SLC4A10: variants seen among roughly 807,000 people sequenced by gnomAD.
The protein encoded by SLC4A10 is sodium-driven chloride bicarbonate exchanger.
A neutral mutation model predicts 137.7 loss-of-function variants in SLC4A10; 42 were observed. The ratio of observed to expected loss-of-function variants is 0.30; its 90% CI spans 0.24 to 0.39. The LOEUF is 0.39. Among genes scored for constraint, SLC4A10 ranks in the 10% least tolerant of loss-of-function variants. The pLI, the probability that SLC4A10 is intolerant of heterozygous loss-of-function variation, is 1.00. For missense variants in SLC4A10, 925 were observed against 1,355.0 expected (o/e 0.68, Z 4.98); for synonymous variants, 474 against 464.1 (o/e 1.02, Z -0.27).
At chr2:161,939,358 A>G (rs1444335325) in intron 15 of SLC4A10, among the ~76,000 whole-genome samples, 1 of 152,146 alleles carries the variant, frequency 6.6e-6, no homozygotes, top group Non-Finnish European at 1.5e-5. Flanking sequence ...TACAGATGTG[A>G]GCCACTGCAC....
At chr2:161,908,498 G>A (rs982357237) in intron 15 of SLC4A10, among the ~76,000 whole-genome samples, 7 of 150,398 alleles carry the variant, frequency 4.7e-5, no homozygotes, top group Admixed American at 1.3e-4. Flanking sequence ...ATGACGAGTT[G>A]ATGGGTGCAG....
chr2:161,726,235 C>G lies in SLC4A10; in HGVS notation c.49-44738C>G, dbSNP rs140200853. Among the ~76,000 whole-genome samples the G allele has an allele frequency of 3.4e-3, 516 of 152,144 alleles. 4 individuals are homozygous for G. The highest frequency in any genetic ancestry group is 0.012 in the African/African-American group (479 of 41,496). On this transcript the variant is annotated intron_variant, in intron 1 of 26. Coordinates refer to ENST00000446997, the MANE Select transcript of SLC4A10 (RefSeq NM_001178015.2). ...GAATAATAATAGTAAGAGTAACTAT[C>G]AAATAATAGGGATACAAATAAGTAT...
chr2:161,853,858 T>C (rs760926223), intron 4 of SLC4A10, among the ~76,000 whole-genome samples: 1 of 152,094 alleles, frequency 6.6e-6, no homozygotes, highest in Non-Finnish European at 1.5e-5. Flanking sequence ...TAAAAACAGA[T>C]CCATAGCTTT....
At chr2:161,628,566 G>A (rs2105385369) in intron 1 of SLC4A10, among the ~76,000 whole-genome samples, 1 of 152,068 alleles carries the variant, frequency 6.6e-6, no homozygotes, top group African/African-American at 2.4e-5. Flanking sequence ...GTAACAAAAA[G>A]AGCACATGGA....
intron 10 of SLC4A10, among the ~76,000 whole-genome samples, 195 bp downstream of exon 10, chr2:161,882,639 A>T (rs2061889651): frequency 6.6e-6 from 1 of 152,104 alleles, no homozygotes; most frequent in Admixed American, 6.6e-5. Context: ...CATGAATATA[A>T]TATTTTAAAA....
intron 9 of SLC4A10, among the ~76,000 whole-genome samples, chr2:161,880,786 A>G (rs1347090408): frequency 6.6e-6 from 1 of 152,114 alleles, no homozygotes; most frequent in Non-Finnish European, 1.5e-5. Context: ...TCCTCCAAGC[A>G]GTGCATTTGT....
At chr2:161,891,410 TC>T (rs1464396822) in intron 10 of SLC4A10, among the ~76,000 whole-genome samples, 5 of 152,134 alleles carry the variant, frequency 3.3e-5, no homozygotes, top group Non-Finnish European at 7.4e-5. Flanking sequence ...GGTCCTATTC[TC>T]CCCACCACTT....
intron 15 of SLC4A10, among the ~76,000 whole-genome samples, chr2:161,906,255 T>C (rs769264845): frequency 6.6e-6 from 1 of 152,192 alleles, no homozygotes. Context: ...CAAAGAAACA[T>C]AGTAATGAAA....
intron 1 of SLC4A10, among the ~76,000 whole-genome samples, chr2:161,668,841 C>T (rs1052784868): frequency 6.6e-6 from 1 of 151,766 alleles, no homozygotes; most frequent in Non-Finnish European, 1.5e-5. Context: ...TGGTTCTGTA[C>T]ATTTAGTTTG....
intron 1 of SLC4A10, among the ~76,000 whole-genome samples, chr2:161,758,279 T>G (rs1183512033): frequency 1.3e-5 from 2 of 151,954 alleles, no homozygotes; most frequent in Non-Finnish European, 2.9e-5. Flanking sequence ...ACTTTGCTTT[T>G]TAAATTAATT....
chr2:161,952,862 A>G (rs1427174598), intron 19 of SLC4A10, among the ~76,000 whole-genome samples: 1 of 152,130 alleles, frequency 6.6e-6, no homozygotes, highest in Non-Finnish European at 1.5e-5. Flanking sequence ...CCTTCTCAGA[A>G]TGTTATTTAC....
intron 3 of SLC4A10, among the ~76,000 whole-genome samples, chr2:161,828,040 A>G (rs2058141677): frequency 6.6e-6 from 1 of 152,058 alleles, no homozygotes; most frequent in African/African-American, 2.4e-5. Context: ...GTTTACTCTG[A>G]CTTTGGTCCC....
intron 1 of SLC4A10, among the ~76,000 whole-genome samples, chr2:161,757,172 T>C (rs760382189): frequency 5.9e-5 from 9 of 152,130 alleles, no homozygotes; most frequent in Non-Finnish European, 1.3e-4. Flanking sequence ...GCTCCCTACC[T>C]GGGTGACAGG....
chr2:161,768,102 C>G (rs925924643), intron 1 of SLC4A10, among the ~76,000 whole-genome samples: 11 of 152,108 alleles, frequency 7.2e-5, no homozygotes, highest in African/African-American at 2.6e-4. Context: ...AGGCAAAGGT[C>G]TAACTGACTT....
chr2:161,798,268 C>T (rs964769797), intron 2 of SLC4A10, among the ~76,000 whole-genome samples: 1 of 151,932 alleles, frequency 6.6e-6, no homozygotes, highest in Non-Finnish European at 1.5e-5. Flanking sequence ...ATGATTGACA[C>T]ATCTAAATTT....
chr2:161,949,804 A>C (rs1168386420), intron 18 of SLC4A10, among the ~76,000 whole-genome samples: 14 of 151,858 alleles, frequency 9.2e-5, no homozygotes, highest in Non-Finnish European at 1.5e-5. Flanking sequence ...TTTATGTTTC[A>C]TATATACCTT....
At chr2:161,664,521 A>G (rs1558979166) in intron 1 of SLC4A10, among the ~76,000 whole-genome samples, 1 of 151,864 alleles carries the variant, frequency 6.6e-6, no homozygotes, top group African/African-American at 2.4e-5. Flanking sequence ...TTTTTAGCAT[A>G]TTTTCAGCCT....
chr2:161,753,855 GTTATTTATTTAT>G lies in SLC4A10; in HGVS notation c.49-17079_49-17068del, dbSNP rs151205439. 7.8e-3 allele frequency among the ~76,000 whole-genome samples: 1,050 copies of G among 134,792 alleles called. 11 individuals carry two copies. The highest frequency in any genetic ancestry group is 0.021 in the African/African-American group (733 of 35,538). The allele number at this position is 134,792 out of a possible 152,430, so 88.4% of individuals were successfully genotyped here. ...CTCACTTTACTGTTAAATAACTCGA[GTTATTTATTTAT>G]TTATTTATTTATTTATTTATTTATT... On this transcript the variant is annotated intron_variant, in intron 1 of 26. Coordinates refer to ENST00000446997, the MANE Select transcript of SLC4A10 (RefSeq NM_001178015.2).
At chr2:161,952,755 A>G (rs1028493131) in intron 19 of SLC4A10, among the ~76,000 whole-genome samples, 1 of 152,180 alleles carries the variant, frequency 6.6e-6, no homozygotes, top group Non-Finnish European at 1.5e-5. Flanking sequence ...TTTCATCTAC[A>G]TTGAACCCCT....
Sources: gnomAD v4.1 joint callset for allele counts (sites outside exome capture counted in the v4.1 genomes callset) on GRCh38, gnomAD v4.1.1 for gene constraint, MANE v1.5 for transcripts, NCBI Gene and HGNC (gene_info 2026-07-23, HGNC 2026-07-21) for gene names.